PIK3CA: variants seen among roughly 807,000 people sequenced by gnomAD.
The protein encoded by PIK3CA is phosphatidylinositol 4,5-bisphosphate 3-kinase catalytic subunit alpha isoform.
PIK3CA carries 27 observed loss-of-function variants against 138.2 expected under a neutral mutation model. The observed-to-expected ratio is 0.20, with a 90% CI of 0.14 to 0.27. PIK3CA has a LOEUF of 0.27. Among genes scored for constraint, PIK3CA ranks in the 10% least tolerant of loss-of-function variants. The probability of loss-of-function intolerance (pLI) is 1.00; values close to 1 mark genes in which losing one functional copy is unlikely to be tolerated. For synonymous variants in PIK3CA, 358 were observed against 413.2 expected, an observed-to-expected ratio of 0.87 and a Z score of 1.62; for missense variants, 544 against 1,277.4, an observed-to-expected ratio of 0.43 and a Z score of 8.75.
intron 1 of PIK3CA, among the ~76,000 whole-genome samples, chr3:179,150,483 A>T (rs1217772199): frequency 1.3e-5 from 2 of 152,156 alleles, no homozygotes; most frequent in Admixed American, 6.5e-5. Context: ...AATATAGAAG[A>T]GTGTTTTTAT....
intron 5 of PIK3CA, 52 bp from the exon 6 acceptor site, chr3:179,204,451 A>G (rs2108394114): frequency 2.5e-6 from 2 of 813,364 alleles, no homozygotes; most frequent in East Asian, 2.5e-5. Flanking sequence ...GAGTGTGTGC[A>G]TATGTGTATG....
chr3:179,207,035 T>C (rs1724580247), intron 6 of PIK3CA, among the ~76,000 whole-genome samples: 1 of 152,176 alleles, frequency 6.6e-6, no homozygotes, highest in Admixed American at 6.5e-5. Flanking sequence ...CATTCTGTAG[T>C]CTAAAAGGTG....
At chr3:179,172,291 G>T (rs1489467872) in intron 1 of PIK3CA, among the ~76,000 whole-genome samples, 3 of 152,076 alleles carry the variant, frequency 2.0e-5, no homozygotes, top group African/African-American at 7.2e-5. Context: ...CATGGTGAAT[G>T]ATTTTATAGT....
intron 1 of PIK3CA, among the ~76,000 whole-genome samples, chr3:179,160,917 T>C (rs1266299765): frequency 1.3e-5 from 2 of 151,550 alleles, no homozygotes; most frequent in Non-Finnish European, 2.9e-5. Flanking sequence ...TACCAACTTT[T>C]CAGGCTCACA....
Position 179,186,097 on chromosome 3 carries a change from G to T in PIK3CA, c.-76-12653G>T, listed in dbSNP as rs1049512763. Among the ~76,000 whole-genome samples, 3 of 152,226 alleles carry T rather than the reference G, an allele frequency of 2.0e-5. No individual in the cohort carries two copies. The South Asian group carries it at 6.2e-4, about 32-fold the overall frequency. ...AGCCCTCATCCTGAAGCAACCTAGGGGCTGCCAGCCACCAGTCAACTCATT... is the reference window on the plus strand; with the variant it reads ...AGCCCTCATCCTGAAGCAACCTAGGTGCTGCCAGCCACCAGTCAACTCATT... On this transcript the variant is annotated intron_variant, in intron 1 of 20. Transcript: ENST00000263967.
rs768646872 is a variant in PIK3CA, at chr3:179,219,652, A to G, written c.1828A>G (p.Met610Val). The G allele has an allele frequency of 1.4e-5, 22 of 1,610,386 alleles. No individual in the cohort carries two copies. The highest frequency in any genetic ancestry group is 6.7e-5 in the Admixed American group (4 of 59,886). ...ELLDCNYPDP[M>V]VRGFAVRCLE... is the part of the protein sequence containing the mutation. ...TCTGGACTGTAATTACCCAGATCCT[A>G]TGGTTCGAGGTTTTGCTGTTCGGTG... The change falls in exon 12 of 21, where the codon ATG becomes GTG. Residue 610 changes from methionine to valine, a missense_variant. By Grantham distance (21) the Met-to-Val change is conservative. This residue lies in a region of PIK3CA where 22 missense variants were observed against 30.5 expected (regional missense o/e 0.72). Transcript: ENST00000263967. The surrounding 1 kb of genome is among the most constrained non-coding windows in gnomAD (Gnocchi z 4.2).
chr3:179,150,305 C>G (rs1481291769), intron 1 of PIK3CA, among the ~76,000 whole-genome samples: 1 of 151,834 alleles, frequency 6.6e-6, no homozygotes, highest in Non-Finnish European at 1.5e-5. Context: ...GAGTACTTTC[C>G]TATTAAAATC....
chr3:179,195,432 A>G (rs1314936845), intron 1 of PIK3CA, among the ~76,000 whole-genome samples: 1 of 152,090 alleles, frequency 6.6e-6, no homozygotes, highest in East Asian at 1.9e-4. Context: ...CATATTTTTC[A>G]TATATCACTT....
intron 1 of PIK3CA, among the ~76,000 whole-genome samples, chr3:179,166,525 G>A (rs967170986): frequency 2.0e-5 from 3 of 152,126 alleles, no homozygotes; most frequent in Non-Finnish European, 4.4e-5. Flanking sequence ...TGGATATTAA[G>A]CCATTTGTCT....
intron 1 of PIK3CA, among the ~76,000 whole-genome samples, chr3:179,187,158 T>G (rs1724003446): frequency 6.6e-6 from 1 of 152,108 alleles, no homozygotes; most frequent in Non-Finnish European, 1.5e-5. Context: ...AGATAATATC[T>G]ACCATCTCTT....
rs1027791932 is a variant in PIK3CA, at chr3:179,236,131, T to G, written c.*1767T>G. 1.9e-5 allele frequency: 4 copies of G among 206,464 alleles called. No homozygotes were observed. The highest frequency in any genetic ancestry group is 6.8e-5 in the African/African-American group (3 of 43,852). The allele number at this position is 206,464 out of a possible 1,614,324, so 12.8% of individuals were successfully genotyped here. ...AATCTGTTACCTATAGTTGAAGTCT[T>G]GAGTAGTGAACAAGGGACTCTAATA... On this transcript the variant is annotated 3_prime_UTR_variant, in exon 21 of 21. Coordinates refer to ENST00000263967, the MANE Select transcript of PIK3CA (RefSeq NM_006218.4).
rs1348316984 is a variant in PIK3CA at position 179,238,600 on chromosome 3, A to G, written c.*4236A>G. On this transcript the variant is annotated 3_prime_UTR_variant, in exon 21 of 21. Coordinates refer to ENST00000263967, the MANE Select transcript of PIK3CA (RefSeq NM_006218.4). ...TCAGAGTTGGCATGCCTTGTTTTTAATGATATGGAAGACCTTAAGAAAAAA... is the reference window on the plus strand; with the variant it reads ...TCAGAGTTGGCATGCCTTGTTTTTAGTGATATGGAAGACCTTAAGAAAAAA... The G allele has an allele frequency of 4.5e-6, 1 of 221,482 alleles. No individual in the cohort carries two copies. The highest frequency in any genetic ancestry group is 9.0e-6 in the Non-Finnish European group (1 of 110,598). 13.7% of individuals were successfully genotyped at this position (221,482 alleles called of 1,614,324 possible). A position where few individuals can be genotyped will look rare whatever the true frequency, so the allele number is the denominator to read the frequency against.
At chr3:179,165,806 A>G (rs1360485624) in intron 1 of PIK3CA, among the ~76,000 whole-genome samples, 2 of 152,104 alleles carry the variant, frequency 1.3e-5, no homozygotes, top group Non-Finnish European at 2.9e-5. Context: ...TCTTGTGCTC[A>G]TGCTGTTCTG....
rs371458223 is a variant in PIK3CA, at chr3:179,195,256, C to T, written c.-76-3494C>T. 1.7e-3 allele frequency among the ~76,000 whole-genome samples: 258 copies of T among 147,454 alleles called. 2 individuals are homozygous for T. Among genetic ancestry groups the T allele is most frequent in the Middle Eastern group, 0.015 (4 of 272 alleles). ...GAAGCTCCTTATTTACTTGCCTTCT[C>T]GGTGAAAAAAAAAAACAACAACAAA... is the stretch of plus-strand genomic sequence containing the variant. On this transcript the variant is annotated intron_variant, in intron 1 of 20. Coordinates refer to ENST00000263967, the MANE Select transcript of PIK3CA (RefSeq NM_006218.4).
chr3:179,211,827 A>G lies in PIK3CA; in HGVS notation c.1539+1262A>G, dbSNP rs149851985. On this transcript the variant is annotated intron_variant, in intron 9 of 20. Coordinates refer to ENST00000263967, the MANE Select transcript of PIK3CA (RefSeq NM_006218.4). ...AATACCGTGAACCCTGAATAACACT[A>G]TGAGGGCTGTAAGGAGTGCCTCTAG... 4.8e-4 allele frequency among the ~76,000 whole-genome samples: 73 copies of G among 152,240 alleles called. 2 individuals are homozygous for G. The East Asian group carries it at 0.013, about 28-fold the overall frequency.
intron 9 of PIK3CA, among the ~76,000 whole-genome samples, chr3:179,213,994 C>G (rs1724780609): frequency 6.6e-6 from 1 of 152,218 alleles, no homozygotes; most frequent in Non-Finnish European, 1.5e-5. Context: ...ATCTTCGTCT[C>G]TCTCAATATT....
chr3:179,235,891 G>A lies in PIK3CA; in HGVS notation c.*1527G>A, dbSNP rs184509929. 2.8e-4 allele frequency: 59 copies of A among 211,382 alleles called. No homozygotes were observed. Among genetic ancestry groups the A allele is most frequent in the Middle Eastern group, 3.0e-3 (2 of 670 alleles). The allele number at this position is 211,382 out of a possible 1,614,324, so 13.1% of individuals were successfully genotyped here. On this transcript the variant is annotated 3_prime_UTR_variant, in exon 21 of 21. Transcript: ENST00000263967. The stretch of plus-strand genomic sequence containing the variant: ...CAAGATGTAGAGGCTACTGCTAGTC[G>A]TCATTCTAGAATCTGATATTTTACT...
In PIK3CA at chr3:179,219,902, C is replaced by A. The variant is rs202242187; in HGVS notation, c.1912-47C>A. The A allele has an allele frequency of 1.3e-6, 2 of 1,587,592 alleles. No homozygotes were observed. The highest frequency in any genetic ancestry group is 1.7e-6 in the Non-Finnish European group (2 of 1,172,594). On this transcript the variant is annotated intron_variant, in intron 12 of 20. Transcript: ENST00000263967. This position sits in a 1 kb window ranked among gnomAD's most constrained non-coding sequence, Gnocchi z 4.2. Reference sequence around the variant, plus strand: ...CTTTCTGAAAAAATTTTCTTTAGATCGGCCATGCAGAAACTGACCCTGATT... The same window carrying A: ...CTTTCTGAAAAAATTTTCTTTAGATAGGCCATGCAGAAACTGACCCTGATT...
intron 1 of PIK3CA, among the ~76,000 whole-genome samples, chr3:179,169,718 TTAGGCTAGC>T (rs1723503794): frequency 1.3e-5 from 2 of 152,228 alleles, no homozygotes; most frequent in Admixed American, 1.3e-4. Flanking sequence ...TAATACCTAC[TTAGGCTAGC>T]CCCTTCTCAT....
Sources: allele counts gnomAD v4.1 joint callset (sites outside exome capture counted in the v4.1 genomes callset), GRCh38; gene constraint gnomAD v4.1.1; regional missense constraint gnomAD v4.1.1; non-coding constraint Gnocchi (gnomAD v3.1); transcripts MANE v1.5; gene names NCBI Gene and HGNC (gene_info 2026-07-23, HGNC 2026-07-21).